The following MYCBP2 variants were observed in gnomAD, a reference collection of about 807,000 sequenced individuals.
MYCBP2 encodes the protein E3 ubiquitin-protein ligase MYCBP2.
Under a neutral mutation model 525.3 loss-of-function variants are expected in MYCBP2, and 120 were observed. That is an observed-to-expected ratio of 0.23 (90% confidence interval 0.20 to 0.27). The LOEUF (loss-of-function observed/expected upper bound fraction) is 0.27. Ranked by LOEUF, MYCBP2 falls within the 10% of genes least tolerant of loss-of-function variation. The probability of loss-of-function intolerance (pLI) is 1.00; values close to 1 mark genes in which losing one functional copy is unlikely to be tolerated. For missense variants in MYCBP2, 4,149 were observed against 5,657.1 expected (o/e 0.73, Z 8.55); for synonymous variants, 1,894 against 1,955.8 (o/e 0.97, Z 0.83).
chr13:77,178,830 TA>T (rs919886026), intron 34 of MYCBP2, among the ~76,000 whole-genome samples: 2 of 152,168 alleles, frequency 1.3e-5, no homozygotes, highest in African/African-American at 4.8e-5. Context: ...AAGGTAAGTT[TA>T]AAGGGGAGAA....
At position 77,261,387 on chromosome 13, in the gene MYCBP2, A is replaced by AC. The variant is rs1385124493; in HGVS notation, c.1648-13_1648-12insG. ...CCAGTGTAATATATCTTATGTATTA[A>AC]AAAAAAAAAGGAATTATGGTACTTT... is the stretch of plus-strand genomic sequence containing the variant. On this transcript the variant is annotated splice_polypyrimidine_tract_variant and intron_variant, in intron 11 of 82. Transcript: ENST00000544440. The AC allele has an allele frequency of 6.4e-7, 1 of 1,562,168 alleles. No individual in the cohort carries two copies.
chr13:77,095,600 G>T lies in MYCBP2; in HGVS notation c.9957C>A (p.Val3319=). The T allele has an allele frequency of 1.2e-6, 2 of 1,609,066 alleles. No individual in the cohort carries two copies. Among genetic ancestry groups the T allele is most frequent in the South Asian group, 2.2e-5 (2 of 90,606 alleles). Residue 3319 remains valine, a splice_region_variant and synonymous_variant, in exon 58 of 83, where the codon GTC becomes GTA. Transcript: ENST00000544440. ...REKQAAAREK[V]KQSRRKPMQV... ...GCATTGGTTTTCTCCTAGATTGTTT[G>T]ACCTGGCGAAGAAAAAAATCAAACT...
chr13:77,257,825 C>G lies in MYCBP2; in HGVS notation c.2022G>C (p.Leu674Phe), dbSNP rs2072505300. Reference sequence around the variant, plus strand: ...CAAAATGGCCCTTCAAATCAGTTACCAAACCTATAGGAAAGAAACAAATTT... The same window carrying G: ...CAAAATGGCCCTTCAAATCAGTTACGAAACCTATAGGAAAGAAACAAATTT... ...KDAIYSDSSS[L>F]VTDLKGHFVT... is the part of the protein sequence containing the mutation. Residue 674 changes from leucine to phenylalanine, a missense_variant, in exon 14 of 83, where the codon TTG (leucine) becomes TTC (phenylalanine). By Grantham distance (22) the Leu-to-Phe change is conservative (BLOSUM62 0). Coordinates refer to ENST00000544440, the MANE Select transcript of MYCBP2 (RefSeq NM_015057.5). The G allele has an allele frequency of 6.2e-7, 1 of 1,604,104 alleles. No homozygotes were observed. Among genetic ancestry groups the G allele is most frequent in the Non-Finnish European group, 8.5e-7 (1 of 1,177,270 alleles).
chr13:77,179,097 T>C (rs572905915), intron 34 of MYCBP2, among the ~76,000 whole-genome samples: 1 of 152,310 alleles, frequency 6.6e-6, no homozygotes, highest in South Asian at 2.1e-4. Context: ...TTCTTACGTA[T>C]GAATTTCATA....
At chr13:77,075,073 TG>T (rs2154093727) in intron 68 of MYCBP2, among the ~76,000 whole-genome samples, 1 of 152,262 alleles carries the variant, frequency 6.6e-6, no homozygotes, top group Non-Finnish European at 1.5e-5. Context: ...CTGGGCACGG[TG>T]ACGTGCACCT....
At chr13:77,149,866 C>T (rs1161226056) in intron 47 of MYCBP2, among the ~76,000 whole-genome samples, 1 of 152,184 alleles carries the variant, frequency 6.6e-6, no homozygotes, top group Non-Finnish European at 1.5e-5. Context: ...GCATATCTCA[C>T]CAAATTAAGT....
In MYCBP2 at chr13:77,140,664, A is replaced by G. The variant is rs2054472414; in HGVS notation, c.7401+182T>C. 1.3e-5 allele frequency among the ~76,000 whole-genome samples: 2 copies of G among 152,244 alleles called. 1 individual carries two copies. The highest frequency in any genetic ancestry group is 4.1e-4 in the South Asian group (2 of 4,838). On this transcript the variant is annotated intron_variant, in intron 50 of 82. Coordinates refer to ENST00000544440, the MANE Select transcript of MYCBP2 (RefSeq NM_015057.5). Reference sequence around the variant, plus strand: ...GAAGAATACAATATGTACCAAATAAAGAAGTACACATGCTACAACTTAGAA... The same window carrying G: ...GAAGAATACAATATGTACCAAATAAGGAAGTACACATGCTACAACTTAGAA...
chr13:77,095,319 T>C lies in MYCBP2; in HGVS notation c.10199+39A>G, dbSNP rs573108303. The C allele has an allele frequency of 1.1e-4, 182 of 1,609,282 alleles. No individual in the cohort carries two copies. The South Asian group carries it at 2.0e-3, about 17-fold the overall frequency. ...GATATCAATAAACAATCGCTGTTAA[T>C]CCAAAGGTGATTAAAAAACAACAGC... On this transcript the variant is annotated intron_variant, in intron 58 of 82. Transcript: ENST00000544440.
chr13:77,222,545 TAG>T (rs1308077540), intron 20 of MYCBP2, among the ~76,000 whole-genome samples: 2 of 152,060 alleles, frequency 1.3e-5, no homozygotes, highest in Admixed American at 6.6e-5. Flanking sequence ...GCTCGAAGGG[TAG>T]AGAGTGGTTC....
At chr13:77,089,552 C>T (rs998114086) in intron 60 of MYCBP2, among the ~76,000 whole-genome samples, 3 of 152,006 alleles carry the variant, frequency 2.0e-5, no homozygotes, top group African/African-American at 7.2e-5. Context: ...CACTATATTA[C>T]CCTGTTCTTC....
In MYCBP2 at chr13:77,231,876, T is replaced by C. The variant is rs1173828118; in HGVS notation, c.2737+1280A>G. Among the ~76,000 whole-genome samples the C allele has an allele frequency of 2.0e-5, 3 of 152,352 alleles. No individual in the cohort carries two copies. The East Asian group carries it at 5.8e-4, about 29-fold the overall frequency. ...ACAATTTCATTGCATACCCCAAATA[T>C]TATTCCTTATATATGTATCTTTTCT... is the stretch of plus-strand genomic sequence containing the variant. On this transcript the variant is annotated intron_variant, in intron 18 of 82. Coordinates refer to ENST00000544440, the MANE Select transcript of MYCBP2 (RefSeq NM_015057.5).
chr13:77,327,040 C>T lies in MYCBP2; in HGVS notation c.-265G>A. 2.3e-6 allele frequency: 1 copy of T among 437,884 alleles called. No homozygotes were observed. Among genetic ancestry groups the T allele is most frequent in the Admixed American group, 4.4e-5 (1 of 22,884 alleles). The allele number at this position is 437,884 out of a possible 1,614,324, so 27.1% of individuals were successfully genotyped here. On this transcript the variant is annotated 5_prime_UTR_variant, in exon 1 of 83. Coordinates refer to ENST00000544440, the MANE Select transcript of MYCBP2 (RefSeq NM_015057.5). ...GGAGGAGGCGGTGCCGCCACTGCCGCCGCCACCACCGCTACCACCGCCACC... is the reference window on the plus strand; with the variant it reads ...GGAGGAGGCGGTGCCGCCACTGCCGTCGCCACCACCGCTACCACCGCCACC...
At chr13:77,135,978 G>A (rs914172665) in intron 52 of MYCBP2, among the ~76,000 whole-genome samples, 1 of 152,018 alleles carries the variant, frequency 6.6e-6, no homozygotes, top group African/African-American at 2.4e-5. Flanking sequence ...TGGGACTATA[G>A]GCGTCCACCA....
chr13:77,257,957 C>A, intron 13 of MYCBP2, 128 bp from the exon 14 acceptor site: 1 of 675,130 alleles, frequency 1.5e-6, no homozygotes, highest in South Asian at 2.6e-5. Flanking sequence ...AAATAAGTAG[C>A]CAAAAGACTG....
At chr13:77,177,188 C>T (rs1401005466) in intron 35 of MYCBP2, among the ~76,000 whole-genome samples, 2 of 150,858 alleles carry the variant, frequency 1.3e-5, no homozygotes, top group Non-Finnish European at 2.9e-5. Flanking sequence ...TCATCAGGGA[C>T]TTAGCTAAAC....
In MYCBP2 at chr13:77,058,092, G is replaced by A. The variant is rs1566312117; in HGVS notation, c.13329+126C>T. ...CCTGACCTCGTGATCCACCTGCCTC[G>A]GCCTCCCAAAGTGCTGGGATTACAG... On this transcript the variant is annotated intron_variant, in intron 78 of 82. Transcript: ENST00000544440. The surrounding 1 kb of genome is among the most constrained non-coding windows in gnomAD (Gnocchi z 4.1). 6.1e-6 allele frequency: 6 copies of A among 985,208 alleles called. No individual in the cohort carries two copies. The highest frequency in any genetic ancestry group is 3.5e-4 in the Middle Eastern group (1 of 2,842). The allele number at this position is 985,208 out of a possible 1,614,324, so 61.0% of individuals were successfully genotyped here.
At chr13:77,312,834 A>G (rs2080434560) in intron 1 of MYCBP2, among the ~76,000 whole-genome samples, 1 of 151,944 alleles carries the variant, frequency 6.6e-6, no homozygotes, top group Non-Finnish European at 1.5e-5. Context: ...TCTTTTTTTA[A>G]GGGCAAGGTT....
chr13:77,239,649 T>C (rs898282663), intron 17 of MYCBP2, among the ~76,000 whole-genome samples: 2 of 152,200 alleles, frequency 1.3e-5, no homozygotes, highest in Non-Finnish European at 2.9e-5. Flanking sequence ...CACAGTTTAC[T>C]GGCTGTACTC....
intron 68 of MYCBP2, among the ~76,000 whole-genome samples, chr13:77,073,242 C>T (rs1045451825): frequency 3.3e-5 from 5 of 151,578 alleles, no homozygotes; most frequent in Admixed American, 6.6e-5. Context: ...GATTATCTTA[C>T]GGAATAAAAG....
Sources: gnomAD v4.1 joint callset for allele counts (sites outside exome capture counted in the v4.1 genomes callset) on GRCh38, gnomAD v4.1.1 for gene constraint, Gnocchi (gnomAD v3.1) non-coding constraint, MANE v1.5 for transcripts, NCBI Gene and HGNC (gene_info 2026-07-23, HGNC 2026-07-21) for gene names.